TENM2: variants seen among roughly 807,000 people sequenced by gnomAD.
TENM2 encodes teneurin-2.
Under a neutral mutation model 245.2 loss-of-function variants are expected in TENM2, and 52 were observed. The observed-to-expected ratio is 0.21, with a 90% confidence interval of 0.17 to 0.27. The LOEUF (loss-of-function observed/expected upper bound fraction) is 0.27, where lower values mean the gene tolerates loss of function less well. TENM2 is among the 10% of genes least tolerant of loss of function. The pLI is 1.00. For missense variants in TENM2, 3,046 were observed against 3,666.8 expected (o/e 0.83, Z 4.37); for synonymous variants, 1,363 against 1,438.9 (o/e 0.95, Z 1.19).
the TENM2 span, among the ~76,000 whole-genome samples, chr5:167,127,051 T>C: frequency 2.0e-5 from 3 of 151,728 alleles, no homozygotes; most frequent in East Asian, 3.9e-4. Context: ...TTGAAAACCA[T>C]ACTAGAACCT....
intron 21 of TENM2, among the ~76,000 whole-genome samples, chr5:168,216,299 A>C (rs1156865282): frequency 6.6e-6 from 1 of 152,186 alleles, no homozygotes; most frequent in Non-Finnish European, 1.5e-5. Flanking sequence ...ATACTTCCTG[A>C]AGCATACACC....
intron 1 of TENM2, among the ~76,000 whole-genome samples, chr5:167,342,386 G>C (rs1172186316): frequency 6.6e-6 from 1 of 151,866 alleles, no homozygotes; most frequent in East Asian, 1.9e-4. Context: ...CAAAGGTAAA[G>C]TGCCATTCTC....
At chr5:167,324,270 A>G (rs1756952129) in intron 1 of TENM2, among the ~76,000 whole-genome samples, 1 of 152,198 alleles carries the variant, frequency 6.6e-6, no homozygotes, top group African/African-American at 2.4e-5. Flanking sequence ...ATGCAGTAGC[A>G]TGCACTCTAG....
the TENM2 span, among the ~76,000 whole-genome samples, chr5:167,208,848 C>G: frequency 6.6e-6 from 1 of 152,228 alleles, no homozygotes; most frequent in Non-Finnish European, 1.5e-5. Context: ...ATGGAACATA[C>G]TTCCTCTCTT....
intron 5 of TENM2, among the ~76,000 whole-genome samples, chr5:168,012,647 CA>C (rs796799012): frequency 0.1 from 7,829 of 76,964 alleles, 387 homozygotes; most frequent in African/African-American, 0.21. Context: ...GACTCTGTCT[CA>C]AAAAAAAAAA....
At chr5:167,389,667 G>T (rs992217416) in intron 2 of TENM2, among the ~76,000 whole-genome samples, 1 of 152,086 alleles carries the variant, frequency 6.6e-6, no homozygotes, top group South Asian at 2.1e-4. Flanking sequence ...TTCTTAAGAT[G>T]AATTCCTAGA....
chr5:167,607,467 C>T (rs1259110802), intron 2 of TENM2, among the ~76,000 whole-genome samples: 1 of 152,186 alleles, frequency 6.6e-6, no homozygotes, highest in Non-Finnish European at 1.5e-5. Flanking sequence ...GGCATAAATA[C>T]CACATATGTG....
chr5:167,518,845 C>A (rs1770570955), intron 2 of TENM2, among the ~76,000 whole-genome samples: 1 of 152,062 alleles, frequency 6.6e-6, no homozygotes, highest in African/African-American at 2.4e-5. Context: ...GTGGCAGGAT[C>A]TTTTGGGAGG....
intron 2 of TENM2, among the ~76,000 whole-genome samples, chr5:167,498,751 T>G (rs1394842284): frequency 7.2e-5 from 11 of 152,080 alleles, no homozygotes; most frequent in Non-Finnish European, 8.8e-5. Context: ...AAAAATACAC[T>G]TTTCATGCTT....
intron 2 of TENM2, among the ~76,000 whole-genome samples, chr5:167,722,915 A>T (rs902599457): frequency 6.6e-6 from 1 of 152,200 alleles, no homozygotes; most frequent in Non-Finnish European, 1.5e-5. Context: ...TCACGGAGAA[A>T]TGAGGCAGTT....
the TENM2 span, among the ~76,000 whole-genome samples, chr5:167,006,512 C>T: frequency 6.6e-6 from 1 of 152,136 alleles, no homozygotes; most frequent in South Asian, 2.1e-4. Context: ...TAGGTCTGAC[C>T]ATTGTTTAGG....
intron 2 of TENM2, among the ~76,000 whole-genome samples, chr5:167,702,890 C>G (rs1372660248): frequency 2.0e-5 from 3 of 151,982 alleles, no homozygotes; most frequent in Non-Finnish European, 2.9e-5. Context: ...GTCTCAAACT[C>G]CTGACCCCAT....
chr5:167,145,103 T>A, the TENM2 span, among the ~76,000 whole-genome samples: 3 of 152,198 alleles, frequency 2.0e-5, no homozygotes, highest in African/African-American at 7.2e-5. Flanking sequence ...TAAGTACCCT[T>A]GTGATACTGA....
At chr5:168,208,857 T>A (rs1762576578) in intron 19 of TENM2, among the ~76,000 whole-genome samples, 1 of 151,980 alleles carries the variant, frequency 6.6e-6, no homozygotes. Context: ...AAATGAGAAA[T>A]GAAATGGAAT....
the TENM2 span, among the ~76,000 whole-genome samples, chr5:167,223,295 T>C: frequency 6.6e-6 from 1 of 152,090 alleles, no homozygotes; most frequent in Non-Finnish European, 1.5e-5. Context: ...ATCAACTTGT[T>C]TGTTTGTACC....
At chr5:167,903,505 C>T (rs1186416763) in intron 3 of TENM2, among the ~76,000 whole-genome samples, 3 of 110,962 alleles carry the variant, frequency 2.7e-5, no homozygotes, top group Non-Finnish European at 5.0e-5. Flanking sequence ...TTCGGTCACC[C>T]ATGTGACAAG....
At position 167,906,922 on chromosome 5, in the gene TENM2, A is replaced by G. The variant is rs1457932036; in HGVS notation, c.712+30727A>G. On this transcript the variant is annotated intron_variant, in intron 3 of 28. Coordinates refer to ENST00000518659, the Ensembl canonical transcript of TENM2. ...AGAGACCCTCCATCCTGGATGATGC[A>G]GCAGACGACATCTAAAATAAAGGAC... 2.0e-5 allele frequency among the ~76,000 whole-genome samples: 3 copies of G among 152,214 alleles called. No individual in the cohort carries two copies. In the East Asian group the frequency reaches 5.8e-4, roughly 29 times the overall value.
chr5:166,985,534 C>A, the TENM2 span, among the ~76,000 whole-genome samples: 1 of 152,100 alleles, frequency 6.6e-6, no homozygotes, highest in South Asian at 2.1e-4. Context: ...ACTTGTGTGA[C>A]CCAAAATCTA....
chr5:167,088,488 G>A, the TENM2 span, among the ~76,000 whole-genome samples: 4 of 151,972 alleles, frequency 2.6e-5, no homozygotes, highest in South Asian at 4.1e-4. Context: ...TTAGAGGGGC[G>A]TGGTTTTGGG....
Sources: gnomAD v4.1 joint callset for allele counts (sites outside exome capture counted in the v4.1 genomes callset) on GRCh38, gnomAD v4.1.1 for gene constraint, MANE v1.5 for transcripts, NCBI Gene and HGNC (gene_info 2026-07-23, HGNC 2026-07-21) for gene names.